Variants in TEX9 observed in about 807,000 individuals in gnomAD.
TEX9 encodes testis-expressed protein 9.
Under a neutral mutation model 59.6 loss-of-function variants are expected in TEX9, and 74 were observed. The observed-to-expected ratio is 1.24, with a 90% confidence interval of 1.03 to 1.51. The LOEUF is 1.51. Among genes scored for constraint, TEX9 ranks in the 40% most tolerant of loss-of-function variants. TEX9 has a pLI of 0.00. For missense variants in TEX9, 522 were observed against 447.8 expected, an observed-to-expected ratio of 1.17 and a Z score of -1.49; for synonymous variants, 186 against 152.2, an observed-to-expected ratio of 1.22 and a Z score of -1.64.
intron 1 of TEX9, among the ~76,000 whole-genome samples, chr15:56,324,195 C>T (rs1412351448): frequency 5.4e-5 from 8 of 147,662 alleles, no homozygotes; most frequent in Admixed American, 2.0e-4. Context: ...AAAAAAAAGT[C>T]GCAGTGGTTT....
chr15:56,376,849 C>T (rs1204612562), intron 3 of TEX9, among the ~76,000 whole-genome samples: 2 of 152,026 alleles, frequency 1.3e-5, no homozygotes, highest in African/African-American at 4.8e-5. Context: ...TGGAGAGTTT[C>T]CCCAATGTTT....
intron 1 of TEX9, among the ~76,000 whole-genome samples, chr15:56,287,384 T>TA (rs1188806622): frequency 2.0e-5 from 3 of 152,086 alleles, no homozygotes; most frequent in Non-Finnish European, 4.4e-5. Context: ...TTAACTTTTT[T>TA]AAAAAAATTA....
chr15:56,372,178 A>G (rs1369928551), intron 2 of TEX9, among the ~76,000 whole-genome samples: 1 of 152,194 alleles, frequency 6.6e-6, no homozygotes, highest in African/African-American at 2.4e-5. Flanking sequence ...TTGTTAGGGA[A>G]ATTTGAAAAA....
At chr15:56,264,669 C>T (rs1426152055) in intron 1 of TEX9, among the ~76,000 whole-genome samples, 1 of 152,192 alleles carries the variant, frequency 6.6e-6, no homozygotes, top group East Asian at 1.9e-4. Context: ...ATCTCTGAGA[C>T]ATGTGTGACC....
intron 3 of TEX9, among the ~76,000 whole-genome samples, chr15:56,379,080 AAAAAGAAAGAAAGAAAAAAAAAG>A (rs1567109471): frequency 6.9e-5 from 10 of 144,860 alleles, no homozygotes; most frequent in Admixed American, 3.5e-4. Context: ...ACAAAAAAAA[AAAAAGAAAGAAAGAAAAAAAAAG>A]AAAAGAAAGA....
At chr15:56,255,730 C>T (rs1328836086) in intron 1 of TEX9, among the ~76,000 whole-genome samples, 2 of 151,770 alleles carry the variant, frequency 1.3e-5, no homozygotes, top group African/African-American at 2.4e-5. Flanking sequence ...TCTTTATAAC[C>T]TATAAAGTGA....
intron 1 of TEX9, among the ~76,000 whole-genome samples, chr15:56,333,327 A>C (rs887421233): frequency 6.6e-6 from 1 of 152,162 alleles, no homozygotes; most frequent in African/African-American, 2.4e-5. Context: ...ATGACTAAGT[A>C]GGATTTATCC....
exon 1 of TEX9, chr15:56,244,051 C>G (rs1362805314): frequency 6.6e-6 from 1 of 151,166 alleles, no homozygotes; most frequent in Non-Finnish European, 1.5e-5. Flanking sequence ...GAGTCCGGCC[C>G]GGCTGGTGGA....
At chr15:56,460,009 A>ATATAT in the TEX9 span, among the ~76,000 whole-genome samples, 16 of 26,384 alleles carry the variant, frequency 6.1e-4, 3 homozygotes, top group African/African-American at 2.0e-3. Context: ...AAAAAAAAAA[A>ATATAT]ATACATATAT....
chr15:56,446,217 T>G (rs2050901259), downstream of TEX9, among the ~76,000 whole-genome samples: 6 of 152,036 alleles, frequency 3.9e-5, no homozygotes, highest in South Asian at 1.2e-3. Context: ...TCATATATAA[T>G]TGGCCCTTCT....
chr15:56,317,981 G>A (rs1233275484), intron 1 of TEX9, among the ~76,000 whole-genome samples: 1 of 152,122 alleles, frequency 6.6e-6, no homozygotes, highest in Non-Finnish European at 1.5e-5. Flanking sequence ...AATGTTCATA[G>A]ATGTCTATTA....
chr15:56,255,807 C>G (rs2044132846), intron 1 of TEX9, among the ~76,000 whole-genome samples: 1 of 151,876 alleles, frequency 6.6e-6, no homozygotes, highest in Non-Finnish European at 1.5e-5. Context: ...ACACACATCT[C>G]AAATTGATAG....
intron 2 of TEX9, among the ~76,000 whole-genome samples, chr15:56,370,900 G>C (rs570838360): frequency 6.6e-6 from 1 of 152,266 alleles, no homozygotes; most frequent in South Asian, 2.1e-4. Flanking sequence ...CTGTTGCCCA[G>C]GCTGGAGTGG....
intron 12 of TEX9, chr15:56,429,492 T>C: frequency 3.6e-6 from 1 of 274,204 alleles, no homozygotes; most frequent in Non-Finnish European, 6.7e-6. Context: ...GGAAGGCACT[T>C]CATCTATACT....
chr15:56,396,889 A>G (rs1360797280), intron 9 of TEX9: 1 of 152,318 alleles, frequency 6.6e-6, no homozygotes, highest in Non-Finnish European at 1.5e-5. Context: ...TCTCTTTTGT[A>G]AATTGCCCAG....
chr15:56,274,873 G>T (rs1482231606), intron 1 of TEX9, among the ~76,000 whole-genome samples: 1 of 151,846 alleles, frequency 6.6e-6, no homozygotes, highest in Non-Finnish European at 1.5e-5. Flanking sequence ...TTAACTTTAG[G>T]GTGAGAATTA....
chr15:56,410,603 C>T (rs1301540578), intron 9 of TEX9, among the ~76,000 whole-genome samples: 8 of 152,094 alleles, frequency 5.3e-5, no homozygotes, highest in Admixed American at 5.2e-4. Context: ...GAAAACTTTA[C>T]TTCCTACTTT....
intron 1 of TEX9, among the ~76,000 whole-genome samples, chr15:56,251,169 A>T (rs2141295693): frequency 6.6e-6 from 1 of 152,280 alleles, no homozygotes; most frequent in East Asian, 1.9e-4. Context: ...ATTTTTCTTC[A>T]TCCCTTTTTC....
At chr15:56,291,559 G>A (rs1178762567) in intron 1 of TEX9, among the ~76,000 whole-genome samples, 3 of 152,008 alleles carry the variant, frequency 2.0e-5, no homozygotes, top group Non-Finnish European at 4.4e-5. Context: ...TCATTTCTTT[G>A]TGGTGAGAAT....
Sources: allele counts gnomAD v4.1 joint callset (sites outside exome capture counted in the v4.1 genomes callset), GRCh38; gene constraint gnomAD v4.1.1; transcripts MANE v1.5; gene names NCBI Gene and HGNC (gene_info 2026-07-23, HGNC 2026-07-21).